The following TLL2 variants were observed in gnomAD, a reference collection of about 807,000 sequenced individuals.
TLL2 encodes the protein tolloid-like protein 2.
A neutral mutation model predicts 123.0 loss-of-function variants in TLL2; 106 were observed. The ratio of observed to expected loss-of-function variants is 0.86; its 90% CI spans 0.74 to 1.01. The LOEUF is 1.01. Among genes scored for constraint, TLL2 ranks in the 50% least tolerant of loss-of-function variants. The pLI is 0.00. For synonymous variants in TLL2, 494 were observed against 516.8 expected, an observed-to-expected ratio of 0.96 and a Z score of 0.60; for missense variants, 1,332 against 1,336.7, an observed-to-expected ratio of 1.00 and a Z score of 0.06.
chr10:96,436,213 G>A (rs1012158360), intron 3 of TLL2, among the ~76,000 whole-genome samples: 1 of 152,224 alleles, frequency 6.6e-6, no homozygotes, highest in African/African-American at 2.4e-5. Flanking sequence ...ATGGCTGTGT[G>A]CCAATAAAAC....
chr10:96,379,619 C>T lies in TLL2; in HGVS notation c.2195-527G>A, dbSNP rs150616487. Among the ~76,000 whole-genome samples, 593 of 152,122 alleles carry T rather than the reference C, an allele frequency of 3.9e-3. 1 individual carries two copies. The highest frequency in any genetic ancestry group is 6.6e-3 in the Non-Finnish European group (451 of 68,000). On this transcript the variant is annotated intron_variant, in intron 16 of 20. Coordinates refer to ENST00000357947, the MANE Select transcript of TLL2 (RefSeq NM_012465.4). Reference sequence around the variant, plus strand: ...GGTGGATCACCTGAGGTTGGGAGTTCGAGACCAGCCTGGCCAAAATGGAGA... The same window carrying T: ...GGTGGATCACCTGAGGTTGGGAGTTTGAGACCAGCCTGGCCAAAATGGAGA...
intron 1 of TLL2, among the ~76,000 whole-genome samples, chr10:96,500,809 G>GAA (rs1476582131): frequency 3.8e-5 from 5 of 131,714 alleles, no homozygotes; most frequent in Non-Finnish European, 8.3e-5. Context: ...AGGGACGGAG[G>GAA]GAGGGAGGGA....
intron 7 of TLL2, among the ~76,000 whole-genome samples, chr10:96,415,716 G>GCTCTGTCTCT (rs1846549091): frequency 1.9e-4 from 1 of 5,170 alleles, no homozygotes. Flanking sequence ...AGCTGTGCAT[G>GCTCTGTCTCT]CTCTCTCTCT....
intron 10 of TLL2, among the ~76,000 whole-genome samples, chr10:96,399,715 A>C (rs75854403): frequency 0.015 from 2,334 of 152,344 alleles, 48 homozygotes; most frequent in African/African-American, 0.054. Flanking sequence ...GCAATTAGAC[A>C]GTGCCGGTTC....
chr10:96,506,635 C>T (rs899840039), intron 1 of TLL2, among the ~76,000 whole-genome samples: 1 of 151,742 alleles, frequency 6.6e-6, no homozygotes, highest in Admixed American at 6.6e-5. Flanking sequence ...AGCACCCATG[C>T]CAGGCCCACA....
chr10:96,473,304 A>C (rs1355454421), intron 2 of TLL2, among the ~76,000 whole-genome samples: 1 of 152,054 alleles, frequency 6.6e-6, no homozygotes, highest in Non-Finnish European at 1.5e-5. Flanking sequence ...AAAGTACAAA[A>C]ATTAGCTGGG....
At chr10:96,433,075 G>A (rs1484083620) in intron 3 of TLL2, 113 bp from the exon 4 acceptor site, 3 of 1,411,988 alleles carry the variant, frequency 2.1e-6, no homozygotes, top group Non-Finnish European at 2.9e-6. Context: ...ATGTTCCAAA[G>A]GGGCTATTTC....
intron 2 of TLL2, among the ~76,000 whole-genome samples, chr10:96,451,048 G>A (rs567570648): frequency 2.6e-5 from 4 of 152,086 alleles, no homozygotes; most frequent in Admixed American, 6.5e-5. Context: ...GAGAGCTCCC[G>A]GCCTGTTCAA....
At chr10:96,454,987 C>T (rs1021325219) in intron 2 of TLL2, among the ~76,000 whole-genome samples, 1 of 152,150 alleles carries the variant, frequency 6.6e-6, no homozygotes, top group South Asian at 2.1e-4. Context: ...GGAAGGCATC[C>T]CACTGTTCCC....
At chr10:96,397,675 C>A (rs1246269348) in intron 10 of TLL2, among the ~76,000 whole-genome samples, 4 of 152,154 alleles carry the variant, frequency 2.6e-5, no homozygotes, top group Non-Finnish European at 5.9e-5. Flanking sequence ...GCATGTATAC[C>A]CTTCCCTTTT....
rs140011074 is a variant in TLL2 at position 96,395,282 on chromosome 10, G to A, written c.1631C>T (p.Pro544Leu). ...GTTGGAGCTCGATTTCACATCCTCC[G>A]GCTTCTCATAGCCACAAAAGTGGCC... ...LIGHFCGYEK[P>L]EDVKSSSNRL... The change falls in exon 13 of 21, where the codon CCG (proline) becomes CTG (leucine). Residue 544 changes from proline (P) to leucine (L), a missense_variant. Coordinates refer to ENST00000357947, the MANE Select transcript of TLL2 (RefSeq NM_012465.4). 315 of 1,613,800 alleles carry A rather than the reference G, an allele frequency of 2.0e-4. 1 individual carries two copies. The highest frequency in any genetic ancestry group is 2.0e-4 in the Non-Finnish European group (235 of 1,179,984).
At chr10:96,492,139 G>T (rs537992542) in intron 1 of TLL2, among the ~76,000 whole-genome samples, 1 of 151,586 alleles carries the variant, frequency 6.6e-6, no homozygotes, top group Non-Finnish European at 1.5e-5. Flanking sequence ...GGACCAGGCC[G>T]AATGCCCTCT....
chr10:96,495,681 A>G (rs1847467058), intron 1 of TLL2, among the ~76,000 whole-genome samples: 1 of 152,126 alleles, frequency 6.6e-6, no homozygotes, highest in Non-Finnish European at 1.5e-5. Flanking sequence ...TTTGCAGAAC[A>G]GGAGGGGAGA....
chr10:96,476,216 T>TTATATATATATATATA lies in TLL2; in HGVS notation c.286+4132_286+4133insTATATATATATATATA, dbSNP rs1466849863. On this transcript the variant is annotated intron_variant, in intron 2 of 20. Coordinates refer to ENST00000357947, the MANE Select transcript of TLL2 (RefSeq NM_012465.4). Reference sequence around the variant, plus strand: ...ATAAAGGTGTGGTTCCTTTTTAATTTTATATGTATATATATATATATATAT... The same window carrying TTATATATATATATATA: ...ATAAAGGTGTGGTTCCTTTTTAATTTTATATATATATATATATATATGTATATATATATATATATAT... 2.1e-4 allele frequency among the ~76,000 whole-genome samples: 7 copies of TTATATATATATATATA among 33,340 alleles called. 1 individual carries two copies. The highest frequency in any genetic ancestry group is 1.6e-3 in the East Asian group (1 of 622). The allele number at this position is 33,340 out of a possible 152,430, so 21.9% of individuals were successfully genotyped here. A position where few individuals can be genotyped will look rare whatever the true frequency, so the allele number is the denominator to read the frequency against.
chr10:96,500,103 T>TAAAAAA (rs58735775), intron 1 of TLL2, among the ~76,000 whole-genome samples: 1 of 75,424 alleles, frequency 1.3e-5, no homozygotes, highest in African/African-American at 5.2e-5. Flanking sequence ...CAACATGATT[T>TAAAAAA]AAAAAAAAAA....
At chr10:96,371,353 A>C (rs1441082634) in intron 19 of TLL2, among the ~76,000 whole-genome samples, 1 of 152,020 alleles carries the variant, frequency 6.6e-6, no homozygotes, top group African/African-American at 2.4e-5. Flanking sequence ...AATAAATAAA[A>C]TAGATAGATA....
intron 2 of TLL2, among the ~76,000 whole-genome samples, chr10:96,473,830 GAACA>G (rs1210569365): frequency 1.3e-5 from 2 of 152,050 alleles, no homozygotes; most frequent in East Asian, 1.9e-4. Flanking sequence ...ACTCTTTGGG[GAACA>G]AACAAACAAA....
At chr10:96,420,445 C>T (rs6584073) in intron 7 of TLL2, among the ~76,000 whole-genome samples, 1 of 152,222 alleles carries the variant, frequency 6.6e-6, no homozygotes, top group Non-Finnish European at 1.5e-5. Flanking sequence ...AGGTGGGAAC[C>T]TGGATCCTTG....
chr10:96,368,066 C>A lies in TLL2; in HGVS notation c.*22G>T. The A allele has an allele frequency of 6.2e-7, 1 of 1,610,316 alleles. No individual in the cohort carries two copies. Among genetic ancestry groups the A allele is most frequent in the African/African-American group, 1.3e-5 (1 of 74,810 alleles). On this transcript the variant is annotated 3_prime_UTR_variant, in exon 21 of 21. Coordinates refer to ENST00000357947, the MANE Select transcript of TLL2 (RefSeq NM_012465.4). ...ACAAAACAAAAAAAATTCTCAGTTT[C>A]TGTCTTTCAAGAACATCAGCACTAT... is the stretch of plus-strand genomic sequence containing the variant.
Sources: gnomAD v4.1 joint callset for allele counts (sites outside exome capture counted in the v4.1 genomes callset) on GRCh38, gnomAD v4.1.1 for gene constraint, MANE v1.5 for transcripts, NCBI Gene and HGNC (gene_info 2026-07-23, HGNC 2026-07-21) for gene names.